The following BMP8A variants were observed in gnomAD, a reference collection of about 807,000 sequenced individuals.
BMP8A encodes the protein BMP-8A.
Under a neutral mutation model 36.8 loss-of-function variants are expected in BMP8A, and 14 were observed. The observed-to-expected ratio is 0.38, with a 90% CI of 0.25 to 0.60. BMP8A has a LOEUF of 0.60. Ranked by LOEUF, BMP8A falls within the 20% of genes least tolerant of loss-of-function variation. The probability of loss-of-function intolerance (pLI) is 0.63; values close to 1 mark genes in which losing one functional copy is unlikely to be tolerated. For synonymous variants in BMP8A, 120 were observed against 237.7 expected (o/e 0.50, Z 4.55); for missense variants, 267 against 551.1 (o/e 0.48, Z 5.16).
intron 1 of BMP8A, among the ~76,000 whole-genome samples, chr1:39,502,459 G>A (rs1015678166): frequency 6.6e-6 from 1 of 152,100 alleles, no homozygotes; most frequent in African/African-American, 2.4e-5. Flanking sequence ...CCAAATCTTG[G>A]TTTCTAAATC....
intron 1 of BMP8A, among the ~76,000 whole-genome samples, chr1:39,499,664 A>C (rs1190421576): frequency 1.3e-5 from 2 of 152,134 alleles, no homozygotes; most frequent in African/African-American, 4.8e-5. Context: ...CAGTGTCCTG[A>C]GGTTGCCTTA....
intron 1 of BMP8A, among the ~76,000 whole-genome samples, chr1:39,503,806 C>T (rs1042690932): frequency 2.0e-5 from 3 of 152,052 alleles, no homozygotes; most frequent in African/African-American, 7.2e-5. Flanking sequence ...AGCCACTGCA[C>T]CTGGCCCATG....
chr1:39,525,818 C>A lies in BMP8A; in HGVS notation c.*20C>A. On this transcript the variant is annotated 3_prime_UTR_variant, in exon 7 of 7. Transcript: ENST00000331593. ...CACTGAGTCAGCCCGCCCAGCCCTA[C>A]TGCAGCCACCCTTCTCATCTGGATC... 13 of 1,613,346 alleles carry A rather than the reference C, an allele frequency of 8.1e-6. No homozygotes were observed. Among genetic ancestry groups the A allele is most frequent in the Non-Finnish European group, 1.0e-5 (12 of 1,180,006 alleles).
chr1:39,494,356 T>TC (rs1570269579), intron 1 of BMP8A, among the ~76,000 whole-genome samples: 1 of 151,158 alleles, frequency 6.6e-6, no homozygotes, highest in Non-Finnish European at 1.5e-5. Context: ...TTTTTTCTTT[T>TC]TTTTTTTTTT....
intron 1 of BMP8A, among the ~76,000 whole-genome samples, chr1:39,510,829 G>C (rs1373564784): frequency 6.6e-6 from 1 of 152,224 alleles, no homozygotes; most frequent in East Asian, 1.9e-4. Context: ...TAGCCTGGAA[G>C]CTCCCAGAGG....
rs1645480918 is a variant in BMP8A at position 39,526,109 on chromosome 1, C to T, written c.*311C>T. Among the ~76,000 whole-genome samples, 1 of 152,148 alleles carries T rather than the reference C, an allele frequency of 6.6e-6. No homozygotes were observed. Among genetic ancestry groups the T allele is most frequent in the Non-Finnish European group, 1.5e-5 (1 of 68,036 alleles). On this transcript the variant is annotated 3_prime_UTR_variant, in exon 7 of 7. Transcript: ENST00000331593. ...GGACCTGTCAGACTGTGGCTGGCCC[C>T]GGATGGTCTGAGGTTGGCTGACCCG... is the stretch of plus-strand genomic sequence containing the variant.
intron 1 of BMP8A, among the ~76,000 whole-genome samples, chr1:39,506,740 A>G (rs1176751393): frequency 1.3e-5 from 2 of 152,012 alleles, no homozygotes; most frequent in Non-Finnish European, 2.9e-5. Flanking sequence ...CACTTAGCAC[A>G]TAGGCTAATC....
chr1:39,499,595 G>C (rs2124320437), intron 1 of BMP8A, among the ~76,000 whole-genome samples: 1 of 152,384 alleles, frequency 6.6e-6, no homozygotes, highest in East Asian at 1.9e-4. Context: ...GCCTGGAGTG[G>C]CTGGTGGCCA....
In BMP8A at chr1:39,523,055, G is replaced by C. The variant is rs763362758; in HGVS notation, c.997G>C (p.Glu333Gln). ...QGYSAYYCEG[E>Q]CSFPLDSCMN... ...CTACTCAGCCTATTACTGTGAGGGGGAGTGCTCCTTCCCGCTGGACTCCTG... is the reference window on the plus strand; with the variant it reads ...CTACTCAGCCTATTACTGTGAGGGGCAGTGCTCCTTCCCGCTGGACTCCTG... Residue 333 changes from glutamate (E) to glutamine (Q), a missense_variant, in exon 6 of 7, where the codon GAG becomes CAG. Glu to Gln is a conservative substitution (Grantham distance 29, BLOSUM62 2). Transcript: ENST00000331593. 1.9e-6 allele frequency: 3 copies of C among 1,613,876 alleles called. No homozygotes were observed. The highest frequency in any genetic ancestry group is 2.5e-6 in the Non-Finnish European group (3 of 1,179,874).
chr1:39,495,862 G>A (rs964017478), intron 1 of BMP8A, among the ~76,000 whole-genome samples: 1 of 152,180 alleles, frequency 6.6e-6, no homozygotes, highest in Non-Finnish European at 1.5e-5. Context: ...AGAAACTGAG[G>A]CATAAGCAGG....
At chr1:39,515,681 G>T in intron 3 of BMP8A, 1 of 1,575,466 alleles carries the variant, frequency 6.3e-7, no homozygotes. Flanking sequence ...ACGTCACGGC[G>T]GTGGAGGTGG....
At position 39,499,327 on chromosome 1, in the gene BMP8A, C is replaced by A. The variant is rs531046930; in HGVS notation, c.334+7002C>A. Among the ~76,000 whole-genome samples the A allele has an allele frequency of 8.5e-5, 13 of 152,126 alleles. No homozygotes were observed. The South Asian group carries it at 1.5e-3, about 17-fold the overall frequency. On this transcript the variant is annotated intron_variant, in intron 1 of 6. Coordinates refer to ENST00000331593, the MANE Select transcript of BMP8A (RefSeq NM_181809.4). ...CGAGGGACAGATGGCAGGGCCAGCG[C>A]AGGGAGGGCCCTGGGACACTCTTCC...
chr1:39,497,893 G>C (rs1400077567), intron 1 of BMP8A, among the ~76,000 whole-genome samples: 3 of 152,196 alleles, frequency 2.0e-5, no homozygotes, highest in South Asian at 4.1e-4. Flanking sequence ...GGGTGCCATA[G>C]CTCCCTGGGC....
At chr1:39,509,925 G>A (rs972859171) in intron 1 of BMP8A, among the ~76,000 whole-genome samples, 10 of 152,342 alleles carry the variant, frequency 6.6e-5, no homozygotes, top group African/African-American at 2.4e-4. Flanking sequence ...AGCGTCCTGG[G>A]TATTTCCGGA....
rs1297615904 is a variant in BMP8A at position 39,523,049 on chromosome 1, G to T, written c.991G>T (p.Glu331Ter). Reference sequence around the variant, plus strand: ...CCAAGGCTACTCAGCCTATTACTGTGAGGGGGAGTGCTCCTTCCCGCTGGA... The same window carrying T: ...CCAAGGCTACTCAGCCTATTACTGTTAGGGGGAGTGCTCCTTCCCGCTGGA... Reference protein sequence around the residue: ...APQGYSAYYCEGECSFPLDSC... With the variant: ...APQGYSAYYC The change falls in exon 6 of 7, where the codon GAG becomes TAG. Residue 331 changes from glutamate to a stop codon, truncating the protein, a stop_gained. Coordinates refer to ENST00000331593, the MANE Select transcript of BMP8A (RefSeq NM_181809.4). LOFTEE classifies it high-confidence loss of function. 1.2e-6 allele frequency: 2 copies of T among 1,613,774 alleles called. No individual in the cohort carries two copies. The highest frequency in any genetic ancestry group is 2.2e-5 in the South Asian group (2 of 91,054).
At position 39,526,358 on chromosome 1, in the gene BMP8A, A is replaced by AGAT. The variant is rs1185117876; in HGVS notation, c.*561_*563dup. Among the ~76,000 whole-genome samples, 5 of 144,606 alleles carry AGAT rather than the reference A, an allele frequency of 3.5e-5. No homozygotes were observed. The East Asian group carries it at 1.0e-3, about 29-fold the overall frequency. The allele number at this position is 144,606 out of a possible 152,430, so 94.9% of individuals were successfully genotyped here. ...CTGGGGATTTTTTTTTTTTTTTTCC[A>AGAT]GATAGAGTCTCACTCTGTCACCCAG... On this transcript the variant is annotated 3_prime_UTR_variant, in exon 7 of 7. Coordinates refer to ENST00000331593, the MANE Select transcript of BMP8A (RefSeq NM_181809.4).
intron 1 of BMP8A, among the ~76,000 whole-genome samples, chr1:39,504,341 G>A (rs1011530873): frequency 4.6e-5 from 7 of 152,244 alleles, no homozygotes; most frequent in African/African-American, 1.2e-4. Flanking sequence ...CCATCTCAGC[G>A]AGGGGGATGT....
At chr1:39,499,371 G>A (rs532091741) in intron 1 of BMP8A, among the ~76,000 whole-genome samples, 13 of 152,400 alleles carry the variant, frequency 8.5e-5, no homozygotes, top group Non-Finnish European at 1.5e-4. Context: ...CTTCGGGGCC[G>A]GGGAGGGTCT....
Position 39,528,066 on chromosome 1 carries a change from A to T in BMP8A, c.*2268A>T, listed in dbSNP as rs756593227. On this transcript the variant is annotated 3_prime_UTR_variant, in exon 7 of 7. Transcript: ENST00000331593. ...TGGTCTCTTCAGTGCCCAGTGTGTA[A>T]CCTGGCATGGTTTGGGTGTGCTAGG... Among the ~76,000 whole-genome samples the T allele has an allele frequency of 1.2e-4, 19 of 152,310 alleles. No homozygotes were observed. The highest frequency in any genetic ancestry group is 2.2e-4 in the Non-Finnish European group (15 of 68,030).
Sources: gnomAD v4.1 joint callset for allele counts (sites outside exome capture counted in the v4.1 genomes callset) on GRCh38, gnomAD v4.1.1 for gene constraint, MANE v1.5 for transcripts, NCBI Gene and HGNC (gene_info 2026-07-23, HGNC 2026-07-21) for gene names.